Variants in UGGT1 observed in about 807,000 individuals in gnomAD.
The protein encoded by UGGT1 is UDP-glucose glycoprotein glucosyltransferase 1.
UGGT1 carries 107 observed loss-of-function variants against 203.9 expected under a neutral mutation model. The ratio of observed to expected loss-of-function variants is 0.52; its 90% CI spans 0.45 to 0.62. The LOEUF is 0.62. UGGT1 is among the 20% of genes least tolerant of loss of function. UGGT1 has a pLI of 0.00. For synonymous variants in UGGT1, 628 were observed against 653.5 expected (o/e 0.96, Z 0.59); for missense variants, 1,673 against 1,867.2 (o/e 0.90, Z 1.92).
Position 128,152,663 on chromosome 2 carries a change from T to C in UGGT1, c.2017-121T>C, listed in dbSNP as rs1399400541. On this transcript the variant is annotated intron_variant, in intron 18 of 40. Coordinates refer to ENST00000259253, the MANE Select transcript of UGGT1 (RefSeq NM_020120.4). ...ACCAATAACATAGTAACTTCTGTCT[T>C]AACTATTATTAGCACAGAGGAAGCC... The C allele has an allele frequency of 3.7e-6, 5 of 1,350,372 alleles. No individual in the cohort carries two copies. In the African/African-American group the frequency reaches 7.4e-5, roughly 20 times the overall value. The allele number at this position is 1,350,372 out of a possible 1,614,324, so 83.6% of individuals were successfully genotyped here. A position where few individuals can be genotyped will look rare whatever the true frequency, so the allele number is the denominator to read the frequency against.
At chr2:128,176,750 TGA>T (rs1691416393) in intron 31 of UGGT1, 62 bp from the exon 32 acceptor site, 2 of 1,463,040 alleles carry the variant, frequency 1.4e-6, no homozygotes, top group Non-Finnish European at 1.9e-6. Context: ...TCAGATGCTC[TGA>T]GAGCATTTGC....
chr2:128,101,986 T>A (rs765908391), intron 2 of UGGT1, among the ~76,000 whole-genome samples: 21 of 152,184 alleles, frequency 1.4e-4, no homozygotes, highest in Non-Finnish European at 2.6e-4. Flanking sequence ...AACATTTATA[T>A]ATGGAGAGAA....
At chr2:128,167,136 C>G (rs1412638015) in intron 26 of UGGT1, among the ~76,000 whole-genome samples, 2 of 152,156 alleles carry the variant, frequency 1.3e-5, no homozygotes, top group Non-Finnish European at 2.9e-5. Flanking sequence ...CAGGAAGTAA[C>G]TCATTAGTCA....
chr2:128,171,855 A>T (rs1178565908), intron 28 of UGGT1, among the ~76,000 whole-genome samples: 1 of 152,160 alleles, frequency 6.6e-6, no homozygotes, highest in African/African-American at 2.4e-5. Context: ...TCAAGTTGGA[A>T]TATACATGTT....
chr2:128,143,076 T>C lies in UGGT1; in HGVS notation c.1720-18T>C. On this transcript the variant is annotated intron_variant, in intron 16 of 40. Transcript: ENST00000259253. ...GAACTTAAAAGTGTAGTTAACCAAC[T>C]GTTTTTTCTTTCTTCAGATCTATAA... 6.4e-7 allele frequency: 1 copy of C among 1,572,470 alleles called. No individual in the cohort carries two copies. Among genetic ancestry groups the C allele is most frequent in the Non-Finnish European group, 8.6e-7 (1 of 1,162,436 alleles).
At chr2:128,103,221 G>T in intron 2 of UGGT1, 1 of 395,008 alleles carries the variant, frequency 2.5e-6, no homozygotes, top group Non-Finnish European at 5.2e-6. Flanking sequence ...ATGGCTCAGA[G>T]GAGAAGATAA....
At chr2:128,189,566 A>C in intron 40 of UGGT1, 151 bp from the exon 41 acceptor site, 1 of 822,622 alleles carries the variant, frequency 1.2e-6, no homozygotes, top group Non-Finnish European at 1.9e-6. Flanking sequence ...AAAATACAGT[A>C]CAAAAGCACA....
At chr2:128,132,409 G>T (rs1344681223) in intron 13 of UGGT1, among the ~76,000 whole-genome samples, 1 of 151,986 alleles carries the variant, frequency 6.6e-6, no homozygotes, top group Non-Finnish European at 1.5e-5. Context: ...TTCACTGGGC[G>T]TGTTGGTGGG....
chr2:128,170,326 TTGA>T lies in UGGT1; in HGVS notation c.2963_2965del (p.Asp988del). 6.2e-7 allele frequency: 1 copy of T among 1,614,238 alleles called. No individual in the cohort carries two copies. The highest frequency in any genetic ancestry group is 8.5e-7 in the Non-Finnish European group (1 of 1,180,026). The stretch of plus-strand genomic sequence containing the variant: ...AGGCCGAAGGAAGGGGAGACATACT[TTGA>T]TGTTGTGGCTGTCGTTGACCCTGTC... On this transcript the variant is annotated inframe_deletion, in exon 27 of 41. Transcript: ENST00000259253.
At chr2:128,123,047 C>A in intron 10 of UGGT1, 139 bp from the exon 11 acceptor site, 1 of 550,674 alleles carries the variant, frequency 1.8e-6, no homozygotes, top group Non-Finnish European at 3.1e-6. Flanking sequence ...ATATATTTAT[C>A]AATTATAAAA....
Position 128,129,065 on chromosome 2 carries a change from G to A in UGGT1, c.1263G>A (p.Met421Ile), listed in dbSNP as rs1688751068. Residue 421 changes from methionine (M) to isoleucine (I), a missense_variant, in exon 13 of 41, where the codon ATG (methionine) becomes ATA (isoleucine). Met to Ile is a conservative substitution (Grantham distance 10). Transcript: ENST00000259253. ...FDVLRNEARV[M>I]EGLHRLGIEG... ...TGTTGAGGAATGAAGCTCGGGTAAT[G>A]GAGGGTCTGCATAGATTGGGAATAG... 1 of 1,612,510 alleles carries A rather than the reference G, an allele frequency of 6.2e-7. No homozygotes were observed. The highest frequency in any genetic ancestry group is 8.5e-7 in the Non-Finnish European group (1 of 1,179,556).
At chr2:128,133,034 G>A in intron 13 of UGGT1, 107 bp from the exon 14 acceptor site, 1 of 1,386,690 alleles carries the variant, frequency 7.2e-7, no homozygotes, top group Non-Finnish European at 9.9e-7. Flanking sequence ...AAATGGTCTT[G>A]TCTCACATGA....
chr2:128,151,629 G>T (rs909302030), intron 18 of UGGT1, among the ~76,000 whole-genome samples: 1 of 152,116 alleles, frequency 6.6e-6, no homozygotes, highest in African/African-American at 2.4e-5. Flanking sequence ...ATGACTTCAG[G>T]TCGGGCACGG....
At chr2:128,145,210 C>T (rs901940728) in intron 17 of UGGT1, among the ~76,000 whole-genome samples, 2 of 152,140 alleles carry the variant, frequency 1.3e-5, no homozygotes, top group African/African-American at 4.8e-5. Flanking sequence ...TTACCTCAGG[C>T]TTTTTGCATA....
At chr2:128,117,535 T>A (rs1425529144) in intron 8 of UGGT1, among the ~76,000 whole-genome samples, 1 of 145,550 alleles carries the variant, frequency 6.9e-6, no homozygotes, top group Non-Finnish European at 1.5e-5. Flanking sequence ...AAAGTCTTCT[T>A]AACTGTTATT....
intron 18 of UGGT1, among the ~76,000 whole-genome samples, chr2:128,146,908 A>C (rs1200138823): frequency 6.6e-6 from 1 of 152,152 alleles, no homozygotes; most frequent in Non-Finnish European, 1.5e-5. Flanking sequence ...CCAACTCTCT[A>C]ATCATGTGGT....
chr2:128,111,672 T>A (rs1304545036), intron 5 of UGGT1, among the ~76,000 whole-genome samples: 1 of 151,894 alleles, frequency 6.6e-6, no homozygotes, highest in Non-Finnish European at 1.5e-5. Context: ...GTTTTTTGTA[T>A]TTTTAGTAGA....
At chr2:128,167,182 T>C (rs1270302714) in intron 26 of UGGT1, among the ~76,000 whole-genome samples, 1 of 152,170 alleles carries the variant, frequency 6.6e-6, no homozygotes, top group Non-Finnish European at 1.5e-5. Context: ...CAACCTGCCA[T>C]CTTGTTTACC....
intron 25 of UGGT1, among the ~76,000 whole-genome samples, chr2:128,163,814 CAG>C (rs113541134): frequency 3.3e-5 from 5 of 152,200 alleles, no homozygotes; most frequent in African/African-American, 1.2e-4. Flanking sequence ...AGAAACAACA[CAG>C]ATGTTCAGTA....
Sources: gnomAD v4.1 joint callset for allele counts (sites outside exome capture counted in the v4.1 genomes callset) on GRCh38, gnomAD v4.1.1 for gene constraint, MANE v1.5 for transcripts, NCBI Gene and HGNC (gene_info 2026-07-23, HGNC 2026-07-21) for gene names.